Variants in SSBP3 observed in about 807,000 individuals in gnomAD.
SSBP3 encodes the protein single-stranded DNA-binding protein 3.
Under a neutral mutation model 69.6 loss-of-function variants are expected in SSBP3, and 5 were observed. The ratio of observed to expected loss-of-function variants is 0.07; its 90% CI spans 0.04 to 0.15. The LOEUF (loss-of-function observed/expected upper bound fraction) is 0.15. SSBP3 is among the 10% of genes least tolerant of loss of function. The probability of loss-of-function intolerance (pLI) is 1.00; values close to 1 mark genes in which losing one functional copy is unlikely to be tolerated. For missense variants in SSBP3, 312 were observed against 534.0 expected, an observed-to-expected ratio of 0.58 and a Z score of 4.10; for synonymous variants, 196 against 193.4, an observed-to-expected ratio of 1.01 and a Z score of -0.11.
chr1:54,240,087 T>TGTGTGTGTGTGTGTGTGTGTGTGTGTGC (rs1159547661), intron 13 of SSBP3, among the ~76,000 whole-genome samples: 2 of 42,344 alleles, frequency 4.7e-5, no homozygotes, highest in Non-Finnish European at 4.2e-5. Flanking sequence ...TGTGTGTGTG[T>TGTGTGTGTGTGTGTGTGTGTGTGTGTGC]GCGCGCGCGC....
intron 4 of SSBP3, among the ~76,000 whole-genome samples, chr1:54,299,060 C>T (rs1645753664): frequency 6.6e-6 from 1 of 152,050 alleles, no homozygotes; most frequent in Admixed American, 6.5e-5. Context: ...TTCAGTCCCA[C>T]TGAGGGTTCG....
exon 18 of SSBP3, chr1:54,226,918 T>C (rs886613115): frequency 6.4e-5 from 37 of 582,552 alleles, no homozygotes; most frequent in Non-Finnish European, 1.0e-4. Context: ...GTTTTGTCCT[T>C]CTTGTTTTAT....
intron 4 of SSBP3, among the ~76,000 whole-genome samples, chr1:54,311,936 ACT>A (rs1646010973): frequency 2.0e-5 from 3 of 151,838 alleles, no homozygotes. Context: ...AGCTGGGGAG[ACT>A]CTCAGATCCA....
intron 7 of SSBP3, 148 bp downstream of exon 7, chr1:54,256,979 T>G (rs1297123944): frequency 1.3e-6 from 1 of 779,520 alleles, no homozygotes; most frequent in Non-Finnish European, 2.0e-6. Context: ...TGGGGCCCTC[T>G]CTGGGGAACA....
chr1:54,280,192 C>A (rs1406029779), intron 5 of SSBP3, among the ~76,000 whole-genome samples: 1 of 152,230 alleles, frequency 6.6e-6, no homozygotes, highest in Non-Finnish European at 1.5e-5. Context: ...CATGTCCCAG[C>A]CCTCTTCTCT....
intron 4 of SSBP3, among the ~76,000 whole-genome samples, chr1:54,321,579 C>G (rs1646214856): frequency 6.6e-6 from 1 of 152,262 alleles, no homozygotes; most frequent in African/African-American, 2.4e-5. Context: ...AGGCCTTAAC[C>G]TGACTGCACT....
At chr1:54,281,615 C>T (rs534686854) in intron 4 of SSBP3, 88 bp from the exon 5 acceptor site, 9 of 1,216,874 alleles carry the variant, frequency 7.4e-6, no homozygotes, top group East Asian at 2.5e-5. Flanking sequence ...TCTCCCTGTC[C>T]GTCCACATTC....
At chr1:54,334,100 T>A (rs1490443674) in intron 4 of SSBP3, among the ~76,000 whole-genome samples, 1 of 151,668 alleles carries the variant, frequency 6.6e-6, no homozygotes, top group Non-Finnish European at 1.5e-5. Flanking sequence ...ATGCCCATAA[T>A]CCCAGCACTT....
chr1:54,324,183 TC>T (rs748534628), intron 4 of SSBP3, among the ~76,000 whole-genome samples: 19 of 152,246 alleles, frequency 1.2e-4, no homozygotes, highest in Admixed American at 3.9e-4. Flanking sequence ...AGGATCTTCT[TC>T]CAAAAGGAGA....
chr1:54,325,590 A>G (rs1403424012), intron 4 of SSBP3, among the ~76,000 whole-genome samples: 1 of 152,214 alleles, frequency 6.6e-6, no homozygotes, highest in Admixed American at 6.5e-5. Context: ...AAAATTCTGT[A>G]TCAGATTACG....
At chr1:54,288,888 C>T (rs761598493) in intron 4 of SSBP3, among the ~76,000 whole-genome samples, 48 of 151,716 alleles carry the variant, frequency 3.2e-4, no homozygotes, top group Non-Finnish European at 5.0e-4. Flanking sequence ...GGTGTGGTGG[C>T]GGGTGCCTGT....
At chr1:54,365,610 T>C (rs1455176927) in intron 4 of SSBP3, among the ~76,000 whole-genome samples, 1 of 152,106 alleles carries the variant, frequency 6.6e-6, no homozygotes, top group Non-Finnish European at 1.5e-5. Flanking sequence ...TGGGTGGGCG[T>C]GGCCCAACCA....
chr1:54,409,366 C>T (rs945174844), upstream of SSBP3, among the ~76,000 whole-genome samples: 1 of 152,152 alleles, frequency 6.6e-6, no homozygotes, highest in Non-Finnish European at 1.5e-5. Context: ...GTTGTAGCCA[C>T]TTGTTTACTG....
At position 54,239,234 on chromosome 1, in the gene SSBP3, T is replaced by A. The variant is rs747606477; in HGVS notation, c.857-35A>T. 3.9e-6 allele frequency: 6 copies of A among 1,542,392 alleles called. No individual in the cohort carries two copies. The African/African-American group carries it at 6.9e-5, about 18-fold the overall frequency. On this transcript the variant is annotated intron_variant, in intron 13 of 17. Transcript: ENST00000610401. The stretch of plus-strand genomic sequence containing the variant: ...AGTGGAAACCCACAAGTCGGGGTGA[T>A]TAATTCGTTTCTTAATTAAAACAAA...
At chr1:54,263,046 C>T (rs962176669) in intron 5 of SSBP3, among the ~76,000 whole-genome samples, 9 of 152,190 alleles carry the variant, frequency 5.9e-5, no homozygotes, top group African/African-American at 1.7e-4. Context: ...GGGTAGTGTT[C>T]CATCCAGCAG....
At chr1:54,405,563 C>A (rs1377627686) in intron 1 of SSBP3, 4 of 152,890 alleles carry the variant, frequency 2.6e-5, no homozygotes, top group Non-Finnish European at 5.8e-5. Context: ...GCAGAAGCCA[C>A]GCGCCCCCTG....
chr1:54,333,539 T>C (rs1204392600), intron 4 of SSBP3, among the ~76,000 whole-genome samples: 1 of 151,894 alleles, frequency 6.6e-6, no homozygotes, highest in East Asian at 1.9e-4. Context: ...TTTGGGAGGC[T>C]GAGGGAACAT....
At chr1:54,248,649 G>T (rs1335243980) in intron 9 of SSBP3, among the ~76,000 whole-genome samples, 4 of 152,128 alleles carry the variant, frequency 2.6e-5, no homozygotes, top group Non-Finnish European at 5.9e-5. Context: ...CCGGGCCCAA[G>T]ATGAGCCCGT....
intron 4 of SSBP3, among the ~76,000 whole-genome samples, chr1:54,287,696 C>T (rs1645516183): frequency 6.7e-6 from 1 of 149,154 alleles, no homozygotes; most frequent in Non-Finnish European, 1.5e-5. Context: ...GCAGCAACAA[C>T]AAACTAAAGA....
Sources: allele counts gnomAD v4.1 joint callset (sites outside exome capture counted in the v4.1 genomes callset), GRCh38; gene constraint gnomAD v4.1.1; transcripts MANE v1.5; gene names NCBI Gene and HGNC (gene_info 2026-07-23, HGNC 2026-07-21).